The following ZNF721 variants were observed in gnomAD, a reference collection of about 807,000 sequenced individuals.
ZNF721 encodes zinc finger protein 721.
In ZNF721, 2 loss-of-function variants were observed where a neutral mutation model predicts 2.4. That is an observed-to-expected ratio of 0.82 (90% confidence interval 0.34 to 2.58). The LOEUF (loss-of-function observed/expected upper bound fraction) is 2.58. Among genes scored for constraint, ZNF721 ranks in the 30% most tolerant of loss-of-function variants. The pLI is 0.11. For synonymous variants in ZNF721, 398 were observed against 381.8 expected (o/e 1.04, Z -0.50); for missense variants, 1,187 against 1,085.5 (o/e 1.09, Z -1.31).
At chr4:445,453 G>C (rs1233973852) in intron 2 of ZNF721, among the ~76,000 whole-genome samples, 3 of 152,102 alleles carry the variant, frequency 2.0e-5, no homozygotes, top group African/African-American at 7.2e-5. Context: ...TAAAGATTGT[G>C]ACAAATAGCT....
intron 2 of ZNF721, among the ~76,000 whole-genome samples, chr4:446,297 TCATTATCTGGTAATAATATACCA>T (rs781892672): frequency 3.7e-4 from 57 of 152,088 alleles, no homozygotes; most frequent in Non-Finnish European, 8.8e-5. Flanking sequence ...AAACTGTTGA[TCATTATCTGGTAATAATATACCA>T]CATAAAAATA....
Position 444,400 on chromosome 4 carries a change from G to T in ZNF721, c.67C>A (p.Pro23Thr). 6.3e-7 allele frequency: 1 copy of T among 1,590,302 alleles called. No homozygotes were observed. Among genetic ancestry groups the T allele is most frequent in the South Asian group, 1.1e-5 (1 of 87,006 alleles). The change falls in exon 3 of 3, where the codon CCA becomes ACA. Residue 23 changes from proline (P) to threonine (T), a missense_variant. Physicochemically the swap from Pro to Thr is conservative, Grantham distance 38. Coordinates refer to ENST00000511833, the MANE Select transcript of ZNF721 (RefSeq NM_133474.4). The part of the protein sequence containing the change: ...MCSHFTQDFL[P>T]VQGIEDSFHK... ...AATGAATCTTCTATCCCCTGCACTG[G>T]CAAAAAGTCTTGGGTGAAATGAGAA... is the stretch of plus-strand genomic sequence containing the variant.
intron 2 of ZNF721, among the ~76,000 whole-genome samples, chr4:463,920 T>C (rs1356579246): frequency 6.6e-6 from 1 of 151,936 alleles, no homozygotes; most frequent in East Asian, 1.9e-4. Context: ...AAAAAATAAA[T>C]TGCTAATACA....
At chr4:449,395 TA>T (rs1377642183) in intron 2 of ZNF721, among the ~76,000 whole-genome samples, 9 of 151,502 alleles carry the variant, frequency 5.9e-5, no homozygotes, top group Admixed American at 2.6e-4. Context: ...TACAAGATAA[TA>T]AAAAAAATAA....
At position 443,146 on chromosome 4, in the gene ZNF721, C is replaced by A. The variant is rs1553863560; in HGVS notation, c.1321G>T (p.Gly441Ter). The change falls in exon 3 of 3, where the codon GGA (glycine) becomes TGA (stop). Residue 441 changes from glycine (G) to a stop codon, truncating the protein, a stop_gained. Coordinates refer to ENST00000511833, the MANE Select transcript of ZNF721 (RefSeq NM_133474.4). LOFTEE classifies it low-confidence loss of function (END_TRUNC). ...NLNEYKKIHT[G>*]DKPYKCKECG... ...TCTTTACATTTGTAGGGTTTATCTC[C>A]AGTATGAATTTTCTTATATTCATTC... 6.2e-7 allele frequency: 1 copy of A among 1,613,828 alleles called. No homozygotes were observed. Among genetic ancestry groups the A allele is most frequent in the East Asian group, 2.2e-5 (1 of 44,860 alleles).
chr4:473,888 A>C (rs2108713643), intron 1 of ZNF721: 1 of 1,413,696 alleles, frequency 7.1e-7, no homozygotes, highest in Non-Finnish European at 9.5e-7. Flanking sequence ...GGCAGCGGGG[A>C]CTCCGTTCGC....
chr4:494,991 TCCTGC>T (rs1553872010), intron 1 of ZNF721, among the ~76,000 whole-genome samples: 1 of 151,248 alleles, frequency 6.6e-6, no homozygotes, highest in Non-Finnish European at 1.5e-5. Flanking sequence ...CACGCCATTC[TCCTGC>T]CTCAGCCTCC....
Position 443,962 on chromosome 4 carries a change from C to G in ZNF721, c.505G>C (p.Glu169Gln), listed in dbSNP as rs1560225064. ...HTGEKPYKCE[E>Q]CGKAFNRSTN... ...GACCTATTAAAGGCTTTGCCACATT[C>G]TTCACATTTGTAAGGTTTCTCTCCA... is the stretch of plus-strand genomic sequence containing the variant. The change falls in exon 3 of 3, where the codon GAA becomes CAA. Residue 169 changes from glutamate to glutamine, a missense_variant. Transcript: ENST00000511833. 5 of 1,614,044 alleles carry G rather than the reference C, an allele frequency of 3.1e-6. No individual in the cohort carries two copies. Among genetic ancestry groups the G allele is most frequent in the Admixed American group, 1.7e-5 (1 of 60,008 alleles).
At position 444,200 on chromosome 4, in the gene ZNF721, A is replaced by G. The variant is rs1553863885; in HGVS notation, c.267T>C (p.Val89=). The stretch of plus-strand genomic sequence containing the variant: ...TGTTTGAATTTGCAAATTTACTAAA[A>G]ACTTTGACACGTGCATTACATTGAA... The part of the protein sequence containing the change: ...KIFQCNARVK[V]FSKFANSNKD... The change falls in exon 3 of 3, where the codon GTT becomes GTC. Residue 89 remains valine, a synonymous_variant. Transcript: ENST00000511833. The G allele has an allele frequency of 6.8e-6, 11 of 1,613,676 alleles. No individual in the cohort carries two copies. Among genetic ancestry groups the G allele is most frequent in the Admixed American group, 6.7e-5 (4 of 59,976 alleles).
chr4:491,150 G>A (rs933301689), intron 1 of ZNF721, among the ~76,000 whole-genome samples: 4 of 152,116 alleles, frequency 2.6e-5, no homozygotes, highest in Admixed American at 1.3e-4. Flanking sequence ...TTTTGGGGCT[G>A]GGCATGGTGG....
rs782495193 is a variant in ZNF721 at position 444,516 on chromosome 4, C to T, written c.35-84G>A. 152 of 1,307,354 alleles carry T rather than the reference C, an allele frequency of 1.2e-4. 1 individual carries two copies. The highest frequency in any genetic ancestry group is 1.3e-4 in the Non-Finnish European group (129 of 962,930). 81.0% of individuals were successfully genotyped at this position (1,307,354 alleles called of 1,614,324 possible). ...ACAAATCATAAGATTATACAAAGTACGCTAGTAAGATCACATAACAAAATA... is the reference window on the plus strand; with the variant it reads ...ACAAATCATAAGATTATACAAAGTATGCTAGTAAGATCACATAACAAAATA... On this transcript the variant is annotated intron_variant, in intron 2 of 2. Transcript: ENST00000511833.
intron 1 of ZNF721, among the ~76,000 whole-genome samples, chr4:483,596 A>G (rs1715824551): frequency 6.6e-6 from 1 of 151,972 alleles, no homozygotes; most frequent in Non-Finnish European, 1.5e-5. Flanking sequence ...TTGTGGTTAC[A>G]TTTGGGGAGG....
chr4:460,149 C>T (rs2108702393), intron 2 of ZNF721, among the ~76,000 whole-genome samples: 1 of 152,248 alleles, frequency 6.6e-6, no homozygotes, highest in South Asian at 2.1e-4. Context: ...ACATTATTCT[C>T]GGCACCACAT....
chr4:464,089 G>A (rs1218102963), intron 2 of ZNF721, among the ~76,000 whole-genome samples: 2 of 152,124 alleles, frequency 1.3e-5, no homozygotes, highest in Non-Finnish European at 2.9e-5. Flanking sequence ...GAGATATGCT[G>A]AAGCACACAA....
chr4:471,827 A>G (rs1553867716), intron 2 of ZNF721, among the ~76,000 whole-genome samples: 1 of 152,218 alleles, frequency 6.6e-6, no homozygotes, highest in African/African-American at 2.4e-5. Flanking sequence ...AATAAAATAT[A>G]TGCATATATT....
At position 442,602 on chromosome 4, in the gene ZNF721, A is replaced by G. The variant is rs1553863398; in HGVS notation, c.1865T>C (p.Phe622Ser). 1 of 1,613,730 alleles carries G rather than the reference A, an allele frequency of 6.2e-7. No homozygotes were observed. Among genetic ancestry groups the G allele is most frequent in the South Asian group, 1.1e-5 (1 of 91,054 alleles). ...TTGATTCAGGTCCGTGTACCATACAAAGTCTTTGCCACACTCTTCACATTT... is the reference window on the plus strand; with the variant it reads ...TTGATTCAGGTCCGTGTACCATACAGAGTCTTTGCCACACTCTTCACATTT... ...LYKCEECGKDFVWYTDLNQQK... is the reference protein window; with the variant it reads ...LYKCEECGKDSVWYTDLNQQK... The change falls in exon 3 of 3, where the codon TTT (phenylalanine) becomes TCT (serine). Residue 622 changes from phenylalanine to serine, a missense_variant. By Grantham distance (155) the Phe-to-Ser change is radical (BLOSUM62 -2). Coordinates refer to ENST00000511833, the MANE Select transcript of ZNF721 (RefSeq NM_133474.4).
intron 2 of ZNF721, among the ~76,000 whole-genome samples, chr4:460,678 TC>T (rs1402561688): frequency 7.2e-6 from 1 of 139,458 alleles, no homozygotes; most frequent in Non-Finnish European, 1.6e-5. Context: ...TTTGAAAAGA[TC>T]AACAAAATAG....
At chr4:457,379 G>A (rs1464345345) in intron 2 of ZNF721, among the ~76,000 whole-genome samples, 1 of 152,184 alleles carries the variant, frequency 6.6e-6, no homozygotes, top group Non-Finnish European at 1.5e-5. Flanking sequence ...GAGGAGGGCT[G>A]TATTGAAAAG....
intron 1 of ZNF721, among the ~76,000 whole-genome samples, chr4:488,776 G>T (rs1393349269): frequency 6.6e-6 from 1 of 151,996 alleles, no homozygotes; most frequent in Non-Finnish European, 1.5e-5. Context: ...GTTGCAGTGA[G>T]CCGAGATCAC....
Sources: allele counts gnomAD v4.1 joint callset (sites outside exome capture counted in the v4.1 genomes callset), GRCh38; gene constraint gnomAD v4.1.1; transcripts MANE v1.5; gene names NCBI Gene and HGNC (gene_info 2026-07-23, HGNC 2026-07-21).